The following CACNB1 variants were observed in gnomAD, a reference collection of about 807,000 sequenced individuals.
CACNB1 encodes the protein calcium voltage-gated channel auxiliary subunit beta 1.
CACNB1 carries 29 observed loss-of-function variants against 71.6 expected under a neutral mutation model. The ratio of observed to expected loss-of-function variants is 0.40; its 90% CI spans 0.30 to 0.55. CACNB1 has a LOEUF of 0.55. Ranked by LOEUF, CACNB1 falls within the 20% of genes least tolerant of loss-of-function variation. CACNB1 has a pLI of 0.38. For missense variants in CACNB1, 623 were observed against 801.8 expected, an observed-to-expected ratio of 0.78 and a Z score of 2.69; for synonymous variants, 300 against 319.6, an observed-to-expected ratio of 0.94 and a Z score of 0.65.
chr17:39,184,307 C>T lies in CACNB1; in HGVS notation c.788+18G>A. On this transcript the variant is annotated intron_variant, in intron 9 of 13. Transcript: ENST00000394303. ...AGAGAGCAACGGCAGGTGCGAGGAG[C>T]AGCTCCCAGGATCTTACCTGCCATC... 6.6e-7 allele frequency: 1 copy of T among 1,518,034 alleles called. No homozygotes were observed. The highest frequency in any genetic ancestry group is 9.0e-7 in the Non-Finnish European group (1 of 1,116,394). The allele number at this position is 1,518,034 out of a possible 1,614,324, so 94.0% of individuals were successfully genotyped here.
intron 1 of CACNB1, among the ~76,000 whole-genome samples, chr17:39,195,466 C>A (rs1305817601): frequency 6.6e-6 from 1 of 152,120 alleles, no homozygotes; most frequent in Non-Finnish European, 1.5e-5. Context: ...AACCCAGGGC[C>A]CAGCCTGGCT....
chr17:39,193,299 T>A (rs1333623417), intron 2 of CACNB1: 1 of 326,840 alleles, frequency 3.1e-6, no homozygotes, highest in Non-Finnish European at 6.2e-6. Flanking sequence ...TGCAGACACA[T>A]GTACGCGCAT....
intron 2 of CACNB1, chr17:39,193,820 G>C (rs942086747): frequency 5.6e-6 from 1 of 178,998 alleles, no homozygotes; most frequent in Non-Finnish European, 1.2e-5. Flanking sequence ...GGATGAGGGG[G>C]TGATTGAAGA....
At chr17:39,177,242 C>T (rs1389782333) in intron 13 of CACNB1, 108 bp downstream of exon 13, 5 of 1,580,604 alleles carry the variant, frequency 3.2e-6, no homozygotes, top group African/African-American at 1.3e-5. Context: ...GGCAGGGCGC[C>T]CACTACATGG....
chr17:39,180,076 C>A (rs768632830), intron 11 of CACNB1, among the ~76,000 whole-genome samples: 1 of 151,752 alleles, frequency 6.6e-6, no homozygotes, highest in Non-Finnish European at 1.5e-5. Context: ...ACCAGCCAGG[C>A]CAACATGGCA....
intron 11 of CACNB1, chr17:39,178,375 C>CTTTTTTTTTT (rs375895816): frequency 4.7e-6 from 1 of 212,432 alleles, no homozygotes; most frequent in African/African-American, 2.5e-5. Flanking sequence ...GCCCACTCTC[C>CTTTTTTTTTT]TTTTTTTTTG....
At chr17:39,177,569 T>C (rs758692983) in intron 12 of CACNB1, 34 bp from the exon 13 acceptor site, 1 of 1,544,574 alleles carries the variant, frequency 6.5e-7, no homozygotes, top group South Asian at 1.2e-5. Context: ...AGGGCTGGGA[T>C]GAGTGGGGCA....
chr17:39,196,486 C>G (rs1188874038), intron 1 of CACNB1, among the ~76,000 whole-genome samples: 6 of 152,106 alleles, frequency 3.9e-5, no homozygotes, highest in African/African-American at 1.4e-4. Context: ...CTCTACATAC[C>G]CATCAGTCAC....
At chr17:39,195,311 G>A (rs149534987) in intron 1 of CACNB1, 3 of 216,030 alleles carry the variant, frequency 1.4e-5, no homozygotes, top group African/African-American at 6.9e-5. Flanking sequence ...ATGCTGGGCA[G>A]GCTGCAGAGG....
At chr17:39,183,337 A>AAAGAAGAAGAAGAAGAAG (rs35982951) in intron 11 of CACNB1, among the ~76,000 whole-genome samples, 76 of 130,288 alleles carry the variant, frequency 5.8e-4, no homozygotes, top group African/African-American at 1.4e-3. Context: ...GACTTAAAAA[A>AAAGAAGAAGAAGAAGAAG]AAGAAGAAGA....
At chr17:39,185,988 G>A in intron 6 of CACNB1, 1 of 1,613,588 alleles carries the variant, frequency 6.2e-7, no homozygotes, top group Non-Finnish European at 8.5e-7. Context: ...TGGGGTGGCG[G>A]GGTGGTGACA....
At chr17:39,191,912 G>A (rs947253803) in intron 2 of CACNB1, 3 of 365,426 alleles carry the variant, frequency 8.2e-6, no homozygotes, top group South Asian at 3.0e-5. Flanking sequence ...TGCCAGGGAC[G>A]AGTCTCTACT....
Position 39,194,777 on chromosome 17 carries a change from C to A in CACNB1, c.171+107G>T. 1.3e-6 allele frequency: 1 copy of A among 745,028 alleles called. No homozygotes were observed. Among genetic ancestry groups the A allele is most frequent in the Non-Finnish European group, 2.3e-6 (1 of 443,900 alleles). 46.2% of individuals were successfully genotyped at this position (745,028 alleles called of 1,614,324 possible). A position where few individuals can be genotyped will look rare whatever the true frequency, so the allele number is the denominator to read the frequency against. On this transcript the variant is annotated intron_variant, in intron 2 of 13. Coordinates refer to ENST00000394303, the MANE Select transcript of CACNB1 (RefSeq NM_000723.5). This position sits in a 1 kb window ranked among gnomAD's most constrained non-coding sequence, Gnocchi z 4.6. ...TGATGGGGTGGCTCCAGGCAGGTGACAAATGGCACAGGGAAGGGTGCCTGG... is the reference window on the plus strand; with the variant it reads ...TGATGGGGTGGCTCCAGGCAGGTGAAAAATGGCACAGGGAAGGGTGCCTGG...
At chr17:39,192,729 A>G (rs1037875862) in intron 2 of CACNB1, 2 of 152,308 alleles carry the variant, frequency 1.3e-5, no homozygotes, top group African/African-American at 4.8e-5. Context: ...AGGAAGGTCC[A>G]TAAGTTTGGC....
chr17:39,175,367 G>C lies in CACNB1; in HGVS notation c.1623C>G (p.Pro541=). 6.2e-7 allele frequency: 1 copy of C among 1,614,178 alleles called. No individual in the cohort carries two copies. Among genetic ancestry groups the C allele is most frequent in the Non-Finnish European group, 8.5e-7 (1 of 1,180,032 alleles). The change falls in exon 14 of 14, where the codon CCC becomes CCG. Residue 541 remains proline (P), a synonymous_variant. Coordinates refer to ENST00000394303, the MANE Select transcript of CACNB1 (RefSeq NM_000723.5). The surrounding 1 kb of genome is among the most constrained non-coding windows in gnomAD (Gnocchi z 4.7). Reference sequence around the variant, plus strand: ...CCTCCCAGGATCCCTGTCGGGCTGGGGGCGTGCCGCCCCCTGCAGGGTCTC... The same window carrying C: ...CCTCCCAGGATCCCTGTCGGGCTGGCGGCGTGCCGCCCCCTGCAGGGTCTC... ...GLGDPAGGGT[P]PARQGSWEDE... is the part of the protein sequence containing the mutation.
At chr17:39,187,649 A>G (rs777954335) in intron 3 of CACNB1, 48 bp from the exon 4 acceptor site, 2 of 1,604,698 alleles carry the variant, frequency 1.2e-6, no homozygotes, top group Non-Finnish European at 8.5e-7. Context: ...GCAAACCACA[A>G]TGTAATGTAC....
In CACNB1 at chr17:39,184,059, A is replaced by G; in HGVS notation, c.870T>C (p.Ile290=). ...VLNNPSKHII[I]ERSNTRSSLA... The stretch of plus-strand genomic sequence containing the variant: ...GGCTGGAGCGTGTGTTGGAGCGCTC[A>G]ATGATGATGTGTTTGCTGGGGTTGT... Residue 290 remains isoleucine, a synonymous_variant, in exon 10 of 14, where the codon ATT becomes ATC. Coordinates refer to ENST00000394303, the MANE Select transcript of CACNB1 (RefSeq NM_000723.5). 6.2e-7 allele frequency: 1 copy of G among 1,613,478 alleles called. No individual in the cohort carries two copies. The highest frequency in any genetic ancestry group is 8.5e-7 in the Non-Finnish European group (1 of 1,179,576).
At chr17:39,188,192 A>G (rs1380638245) in intron 3 of CACNB1, among the ~76,000 whole-genome samples, 1 of 152,132 alleles carries the variant, frequency 6.6e-6, no homozygotes, top group Non-Finnish European at 1.5e-5. Flanking sequence ...CTGAGGCATG[A>G]GAATCATTTG....
In CACNB1 at chr17:39,187,225, ACCTACATGTC is replaced by A. The variant is rs985985891; in HGVS notation, c.414+244_414+253del. On this transcript the variant is annotated intron_variant, in intron 4 of 13. Coordinates refer to ENST00000394303, the MANE Select transcript of CACNB1 (RefSeq NM_000723.5). ...AAAGGCCGCTGGAGTAAATGCGGAT[ACCTACATGTC>A]CCTGGCACACCGCCATGCCAGTTCA... is the stretch of plus-strand genomic sequence containing the variant. The A allele has an allele frequency of 1.7e-5, 10 of 600,926 alleles. No homozygotes were observed. The African/African-American group carries it at 1.9e-4, about 11-fold the overall frequency. The allele number at this position is 600,926 out of a possible 1,614,324, so 37.2% of individuals were successfully genotyped here.
Sources: allele counts gnomAD v4.1 joint callset (sites outside exome capture counted in the v4.1 genomes callset), GRCh38; gene constraint gnomAD v4.1.1; non-coding constraint Gnocchi (gnomAD v3.1); transcripts MANE v1.5; gene names NCBI Gene and HGNC (gene_info 2026-07-23, HGNC 2026-07-21).